The following SLC6A16 variants were observed in gnomAD, a reference collection of about 807,000 sequenced individuals.
SLC6A16 encodes orphan sodium- and chloride-dependent neurotransmitter transporter NTT5.
SLC6A16 carries 54 observed loss-of-function variants against 65.4 expected under a neutral mutation model. The observed-to-expected ratio is 0.83, with a 90% CI of 0.66 to 1.04. The LOEUF is 1.04. Ranked by LOEUF, SLC6A16 falls within the 50% of genes least tolerant of loss-of-function variation. The probability of loss-of-function intolerance (pLI) is 0.00; values close to 1 mark genes in which losing one functional copy is unlikely to be tolerated. For missense variants in SLC6A16, 816 were observed against 914.0 expected, an observed-to-expected ratio of 0.89 and a Z score of 1.38; for synonymous variants, 330 against 346.5, an observed-to-expected ratio of 0.95 and a Z score of 0.53.
intron 1 of SLC6A16, among the ~76,000 whole-genome samples, chr19:49,323,554 TTAAA>T (rs1171520308): frequency 2.0e-5 from 3 of 152,082 alleles, no homozygotes; most frequent in Admixed American, 1.3e-4. Flanking sequence ...GGCAAAAGAC[TTAAA>T]TAGACATTTC....
chr19:49,335,557 G>A, the SLC6A16 span: 4 of 1,613,868 alleles, frequency 2.5e-6, no homozygotes, highest in African/African-American at 5.3e-5. This position sits in a 1 kb window ranked among gnomAD's most constrained non-coding sequence, Gnocchi z 4.6. Flanking sequence ...GCCCAGGAGA[G>A]CTGCCTCAGC....
intron 5 of SLC6A16, 46 bp downstream of exon 5, chr19:49,309,605 G>C: frequency 6.4e-7 from 1 of 1,557,936 alleles, no homozygotes; most frequent in African/African-American, 1.4e-5. Flanking sequence ...TGAGGTAAGG[G>C]CTAAAGCATC....
At chr19:49,304,479 T>C (rs1260246642) in intron 7 of SLC6A16, among the ~76,000 whole-genome samples, 4 of 152,204 alleles carry the variant, frequency 2.6e-5, no homozygotes, top group African/African-American at 7.2e-5. Context: ...TTAAAAACCT[T>C]TGTTGGCTGG....
intron 7 of SLC6A16, among the ~76,000 whole-genome samples, chr19:49,300,201 T>G (rs536599647): frequency 1.3e-5 from 2 of 151,958 alleles, no homozygotes; most frequent in East Asian, 3.9e-4. Context: ...TAAAAATACA[T>G]GAGGTGCATG....
upstream of SLC6A16, among the ~76,000 whole-genome samples, chr19:49,329,805 T>C (rs2146195009): frequency 6.6e-6 from 1 of 152,036 alleles, no homozygotes; most frequent in East Asian, 1.9e-4. Flanking sequence ...GCTAATTTTT[T>C]GTATTTTTAG....
chr19:49,330,244 A>G, the SLC6A16 span, among the ~76,000 whole-genome samples: 1 of 152,310 alleles, frequency 6.6e-6, no homozygotes, highest in East Asian at 1.9e-4. Context: ...GGGCGTGTTA[A>G]GTTTGAGATG....
At chr19:49,294,844 C>T (rs1205438127) in intron 7 of SLC6A16, among the ~76,000 whole-genome samples, 3 of 152,054 alleles carry the variant, frequency 2.0e-5, no homozygotes. Flanking sequence ...ACGCTGTCTA[C>T]CTTCCCTCTC....
chr19:49,300,277 G>T (rs1350574388), intron 7 of SLC6A16, among the ~76,000 whole-genome samples: 1 of 152,172 alleles, frequency 6.6e-6, no homozygotes, highest in Non-Finnish European at 1.5e-5. Flanking sequence ...GGCAAAGGAT[G>T]CAGTGAGCTG....
chr19:49,331,196 T>C, the SLC6A16 span, among the ~76,000 whole-genome samples: 1 of 152,058 alleles, frequency 6.6e-6, no homozygotes, highest in Admixed American at 6.6e-5. Flanking sequence ...CACTTTTTTT[T>C]CCCCTGTAGG....
intron 7 of SLC6A16, among the ~76,000 whole-genome samples, chr19:49,302,262 G>A (rs2146100690): frequency 6.6e-6 from 1 of 152,276 alleles, no homozygotes; most frequent in South Asian, 2.1e-4. Context: ...CCACTGCTGC[G>A]AGTCCTGGCC....
chr19:49,334,417 G>T, the SLC6A16 span, among the ~76,000 whole-genome samples: 1 of 151,872 alleles, frequency 6.6e-6, no homozygotes, highest in African/African-American at 2.4e-5. Context: ...GCCTGGGAAG[G>T]TTGGGGCTGC....
chr19:49,335,454 C>G, the SLC6A16 span: 5 of 966,936 alleles, frequency 5.2e-6, no homozygotes, highest in East Asian at 1.2e-4. The surrounding 1 kb of genome is among the most constrained non-coding windows in gnomAD (Gnocchi z 4.6). Flanking sequence ...CTCTCTTTCT[C>G]TCTCAGCCTC....
rs562053422 is a variant in SLC6A16, at chr19:49,311,657, C to T, written c.-64-246G>A. ...TGAGGTCAGGAGTTCGAGACCAGCC[C>T]GGCCAACATGGTGAAACCCCGTCTC... On this transcript the variant is annotated intron_variant, in intron 1 of 11. Coordinates refer to ENST00000335875, the MANE Select transcript of SLC6A16 (RefSeq NM_014037.3). 4.6e-3 allele frequency among the ~76,000 whole-genome samples: 693 copies of T among 151,578 alleles called. 3 individuals carry two copies. Among genetic ancestry groups the T allele is most frequent in the African/African-American group, 0.016 (657 of 41,376 alleles).
At chr19:49,291,532 A>G (rs538469528) in intron 10 of SLC6A16, among the ~76,000 whole-genome samples, 7 of 152,314 alleles carry the variant, frequency 4.6e-5, no homozygotes, top group African/African-American at 1.7e-4. Context: ...TGGGTGAGTT[A>G]ATAAATGAGT....
chr19:49,339,679 G>T, the SLC6A16 span: 2 of 1,422,464 alleles, frequency 1.4e-6, no homozygotes, highest in Non-Finnish European at 1.8e-6. This position sits in a 1 kb window ranked among gnomAD's most constrained non-coding sequence, Gnocchi z 4.5. Context: ...GGTGCTGAGC[G>T]TACAGCTACA....
At chr19:49,329,217 C>T (rs908227098), upstream of SLC6A16, among the ~76,000 whole-genome samples, 3 of 151,948 alleles carry the variant, frequency 2.0e-5, no homozygotes, top group Non-Finnish European at 2.9e-5. Flanking sequence ...CTCAGCCTCC[C>T]GAGTAGCTGG....
chr19:49,329,790 G>A (rs531942446), upstream of SLC6A16, among the ~76,000 whole-genome samples: 2 of 151,768 alleles, frequency 1.3e-5, no homozygotes, highest in African/African-American at 2.4e-5. Flanking sequence ...CCGCCACTAC[G>A]CCTGGCTAAT....
chr19:49,335,242 G>A, the SLC6A16 span: 1 of 429,384 alleles, frequency 2.3e-6, no homozygotes, highest in African/African-American at 2.0e-5. This position sits in a 1 kb window ranked among gnomAD's most constrained non-coding sequence, Gnocchi z 4.6. Flanking sequence ...TGGAGACCTG[G>A]GAGGGACTGC....
the SLC6A16 span, chr19:49,331,996 G>A: frequency 2.0e-5 from 9 of 447,564 alleles, no homozygotes; most frequent in African/African-American, 4.0e-5. Context: ...GTCTCCTATG[G>A]CTGAAATAGC....
Sources: allele counts gnomAD v4.1 joint callset (sites outside exome capture counted in the v4.1 genomes callset), GRCh38; gene constraint gnomAD v4.1.1; non-coding constraint Gnocchi (gnomAD v3.1); transcripts MANE v1.5; gene names NCBI Gene and HGNC (gene_info 2026-07-23, HGNC 2026-07-21).